The following WNT9A variants were observed in gnomAD, a reference collection of about 807,000 sequenced individuals.
WNT9A encodes the protein protein Wnt-9a.
In WNT9A, 8 loss-of-function variants were observed where a neutral mutation model predicts 31.4. The ratio of observed to expected loss-of-function variants is 0.26; its 90% CI spans 0.15 to 0.46. The LOEUF (loss-of-function observed/expected upper bound fraction) is 0.46. WNT9A is among the 20% of genes least tolerant of loss of function. The pLI is 0.99. For synonymous variants in WNT9A, 236 were observed against 220.1 expected (o/e 1.07, Z -0.64); for missense variants, 457 against 522.9 (o/e 0.87, Z 1.23).
In WNT9A at chr1:227,925,939, C is replaced by G. The variant is rs969779778; in HGVS notation, c.96-420G>C. On this transcript the variant is annotated intron_variant, in intron 1 of 3. Transcript: ENST00000272164. The surrounding 1 kb of genome is among the most constrained non-coding windows in gnomAD (Gnocchi z 6.0). ...GATGGGCGTCTGCCACATCCTCCACCCTCTTTGGCCCCAGCTGACCCGCAG... is the reference window on the plus strand; with the variant it reads ...GATGGGCGTCTGCCACATCCTCCACGCTCTTTGGCCCCAGCTGACCCGCAG... Among the ~76,000 whole-genome samples, 2 of 152,088 alleles carry G rather than the reference C, an allele frequency of 1.3e-5. No individual in the cohort carries two copies. Among genetic ancestry groups the G allele is most frequent in the African/African-American group, 4.8e-5 (2 of 41,432 alleles).
chr1:227,943,469 C>A (rs947322647), intron 1 of WNT9A, among the ~76,000 whole-genome samples: 1 of 152,236 alleles, frequency 6.6e-6, no homozygotes, highest in Non-Finnish European at 1.5e-5. Flanking sequence ...AGACCCATGG[C>A]CCATGAGGCC....
chr1:227,922,066 C>T, intron 3 of WNT9A, 66 bp from the exon 4 acceptor site: 1 of 1,530,512 alleles, frequency 6.5e-7, no homozygotes, highest in South Asian at 1.3e-5. Flanking sequence ...TGAGCAGACC[C>T]TGCCCTGGAC....
rs961841499 is a variant in WNT9A at position 227,922,473 on chromosome 1, C to T, written c.616-473G>A. On this transcript the variant is annotated intron_variant, in intron 3 of 3. Transcript: ENST00000272164. ...ACCGCAACCTCCCTACCCCTAATAT[C>T]GGGAACCAGGTGCTACCGCACATGC... Among the ~76,000 whole-genome samples the T allele has an allele frequency of 5.3e-5, 8 of 152,266 alleles. No individual in the cohort carries two copies. In the East Asian group the frequency reaches 5.8e-4, roughly 11 times the overall value.
chr1:227,936,334 C>T (rs1666595103), intron 1 of WNT9A, among the ~76,000 whole-genome samples: 1 of 152,178 alleles, frequency 6.6e-6, no homozygotes, highest in Admixed American at 6.5e-5. Flanking sequence ...GGATTACAGG[C>T]AGCTGCCAAC....
intron 1 of WNT9A, among the ~76,000 whole-genome samples, chr1:227,927,505 G>C (rs1256833529): frequency 6.6e-6 from 1 of 152,182 alleles, no homozygotes; most frequent in Non-Finnish European, 1.5e-5. Context: ...CAGGACAGGA[G>C]CACAGGGCGG....
rs772224575 is a variant in WNT9A, at chr1:227,942,100, C to A, written c.95+5693G>T. Among the ~76,000 whole-genome samples the A allele has an allele frequency of 6.6e-6, 1 of 152,144 alleles. No homozygotes were observed. ...CAGCCCGGGCCACCCCAGCAGCCGG[C>A]GGAAGGTCCCAGGCCAGGGCAGGCA... is the stretch of plus-strand genomic sequence containing the variant. On this transcript the variant is annotated intron_variant, in intron 1 of 3. Coordinates refer to ENST00000272164, the MANE Select transcript of WNT9A (RefSeq NM_003395.4). The surrounding 1 kb of genome is among the most constrained non-coding windows in gnomAD (Gnocchi z 5.7).
At position 227,921,854 on chromosome 1, in the gene WNT9A, G is replaced by C. The variant is rs1356527294; in HGVS notation, c.762C>G (p.Gly254=). The change falls in exon 4 of 4, where the codon GGC becomes GGG. Residue 254 remains glycine (G), a synonymous_variant. Transcript: ENST00000272164. ...KHKYETALKV[G]STTNEAAGEA... ...CGCCGGCAGCTTCATTGGTGGTGCT[G>C]CCCACCTTGAGTGCCGTCTCATACT... The C allele has an allele frequency of 6.2e-7, 1 of 1,613,018 alleles. No individual in the cohort carries two copies. The highest frequency in any genetic ancestry group is 8.5e-7 in the Non-Finnish European group (1 of 1,179,940).
At position 227,947,893 on chromosome 1, in the gene WNT9A, C is replaced by G. The variant is rs773363093; in HGVS notation, c.-6G>C. 572 of 1,066,502 alleles carry G rather than the reference C, an allele frequency of 5.4e-4. 8 individuals are homozygous for G. The highest frequency in any genetic ancestry group is 4.2e-4 in the Middle Eastern group (1 of 2,366). 66.1% of individuals were successfully genotyped at this position (1,066,502 alleles called of 1,614,324 possible). A position where few individuals can be genotyped will look rare whatever the true frequency, so the allele number is the denominator to read the frequency against. ...AGCGGGGACCCATCCAGCATCTTGC[C>G]GCGCCTCGGCGGCCGACCATCGCGC... On this transcript the variant is annotated 5_prime_UTR_variant, in exon 1 of 4. Transcript: ENST00000272164.
chr1:227,923,855 G>A lies in WNT9A; in HGVS notation c.615+283C>T, dbSNP rs901947324. ...CCCTCCTGGTGGCCCCACAGGGACC[G>A]TGGGGGCCCCTCTGCAGGCAGACAT... On this transcript the variant is annotated intron_variant, in intron 3 of 3. Coordinates refer to ENST00000272164, the MANE Select transcript of WNT9A (RefSeq NM_003395.4). 1.1e-3 allele frequency among the ~76,000 whole-genome samples: 172 copies of A among 152,242 alleles called. 1 individual carries two copies. Among genetic ancestry groups the A allele is most frequent in the African/African-American group, 4.0e-3 (168 of 41,546 alleles).
At position 227,926,647 on chromosome 1, in the gene WNT9A, C is replaced by A. The variant is rs1470660832; in HGVS notation, c.96-1128G>T. On this transcript the variant is annotated intron_variant, in intron 1 of 3. Coordinates refer to ENST00000272164, the MANE Select transcript of WNT9A (RefSeq NM_003395.4). The surrounding 1 kb of genome is among the most constrained non-coding windows in gnomAD (Gnocchi z 5.0). ...CAGCCCTCCAGCCCTTAGGAGGGCA[C>A]CCACCTGGACAGGGCCAGGGCTTGG... Among the ~76,000 whole-genome samples, 1 of 152,046 alleles carries A rather than the reference C, an allele frequency of 6.6e-6. No individual in the cohort carries two copies. Among genetic ancestry groups the A allele is most frequent in the Non-Finnish European group, 1.5e-5 (1 of 68,012 alleles).
In WNT9A at chr1:227,925,493, A is replaced by G. The variant is rs760652823; in HGVS notation, c.122T>C (p.Ile41Thr). ...FGLTGSEPLT[I>T]LPLTLEPEAA... ...CTCTGGCTCCAGGGTCAGCGGGAGG[A>G]TGGTCAGGGGCTCGCTGCCCGTCAG... The change falls in exon 2 of 4, where the codon ATC becomes ACC. Residue 41 changes from isoleucine (I) to threonine (T), a missense_variant. By Grantham distance (89) the Ile-to-Thr change is moderately conservative (BLOSUM62 -1). Coordinates refer to ENST00000272164, the MANE Select transcript of WNT9A (RefSeq NM_003395.4). This position sits in a 1 kb window ranked among gnomAD's most constrained non-coding sequence, Gnocchi z 6.0. The G allele has an allele frequency of 4.8e-5, 75 of 1,566,774 alleles. No homozygotes were observed. The highest frequency in any genetic ancestry group is 3.4e-4 in the African/African-American group (25 of 73,712).
intron 1 of WNT9A, among the ~76,000 whole-genome samples, chr1:227,935,117 A>G (rs1666571403): frequency 6.6e-6 from 1 of 151,252 alleles, no homozygotes; most frequent in African/African-American, 2.4e-5. Flanking sequence ...CCTGAGTCAC[A>G]GCCCCAGTTC....
intron 3 of WNT9A, 48 bp downstream of exon 3, chr1:227,924,089 CG>C: frequency 1.3e-6 from 1 of 741,268 alleles, no homozygotes; most frequent in Non-Finnish European, 2.0e-6. Context: ...AACCCCCTGA[CG>C]CTCTTTCTGA....
chr1:227,944,988 G>A (rs1433418883), intron 1 of WNT9A, among the ~76,000 whole-genome samples: 1 of 152,218 alleles, frequency 6.6e-6, no homozygotes, highest in African/African-American at 2.4e-5. Context: ...TCCAAGCCCC[G>A]CTGGGCAGGA....
At position 227,919,722 on chromosome 1, in the gene WNT9A, C is replaced by CACACACACACACACACACAGAG. The variant is rs55730500; in HGVS notation, c.*1795_*1796insCTCTGTGTGTGTGTGTGTGTGT. On this transcript the variant is annotated 3_prime_UTR_variant, in exon 4 of 4. Coordinates refer to ENST00000272164, the MANE Select transcript of WNT9A (RefSeq NM_003395.4). ...ACACACACACACACACACACACACACAGACCATGCCAGCATGCATTTATAC... is the reference window on the plus strand; with the variant it reads ...ACACACACACACACACACACACACACACACACACACACACACACAGAGAGACCATGCCAGCATGCATTTATAC... The CACACACACACACACACACAGAG allele has an allele frequency of 2.1e-5, 3 of 145,656 alleles. No homozygotes were observed. The highest frequency in any genetic ancestry group is 7.8e-5 in the African/African-American group (3 of 38,392). The allele number at this position is 145,656 out of a possible 1,614,324, so 9.0% of individuals were successfully genotyped here.
chr1:227,943,105 G>A (rs1331514028), intron 1 of WNT9A, among the ~76,000 whole-genome samples: 3 of 152,182 alleles, frequency 2.0e-5, no homozygotes, highest in African/African-American at 4.8e-5. Flanking sequence ...TGGACCCTGC[G>A]GGGTCTGATG....
intron 1 of WNT9A, among the ~76,000 whole-genome samples, chr1:227,936,440 C>A (rs549252129): frequency 1.3e-5 from 2 of 152,170 alleles, no homozygotes; most frequent in Non-Finnish European, 2.9e-5. Context: ...GATCCACCTA[C>A]CTTGGCCTTT....
intron 1 of WNT9A, among the ~76,000 whole-genome samples, chr1:227,946,418 C>A (rs1256644927): frequency 1.3e-5 from 2 of 152,238 alleles, no homozygotes; most frequent in Non-Finnish European, 2.9e-5. Flanking sequence ...AGCTGGCTGA[C>A]AAGGCCACGG....
At chr1:227,937,664 C>T (rs1666619440) in intron 1 of WNT9A, among the ~76,000 whole-genome samples, 2 of 152,222 alleles carry the variant, frequency 1.3e-5, no homozygotes. Flanking sequence ...CCCCACGGTT[C>T]GCAGCCATCG....
Sources: allele counts gnomAD v4.1 joint callset (sites outside exome capture counted in the v4.1 genomes callset), GRCh38; gene constraint gnomAD v4.1.1; non-coding constraint Gnocchi (gnomAD v3.1); transcripts MANE v1.5; gene names NCBI Gene and HGNC (gene_info 2026-07-23, HGNC 2026-07-21).